The following KCTD16 variants were observed in gnomAD, a reference collection of about 807,000 sequenced individuals.
KCTD16 encodes the protein BTB/POZ domain-containing protein KCTD16.
KCTD16 carries 13 observed loss-of-function variants against 33.2 expected under a neutral mutation model. The observed-to-expected ratio is 0.39, with a 90% CI of 0.25 to 0.62. The LOEUF (loss-of-function observed/expected upper bound fraction) is 0.62. Among genes scored for constraint, KCTD16 ranks in the 20% least tolerant of loss-of-function variants. The pLI, the probability that KCTD16 is intolerant of heterozygous loss-of-function variation, is 0.50. For missense variants in KCTD16, 441 were observed against 525.1 expected (o/e 0.84, Z 1.57); for synonymous variants, 197 against 195.3 (o/e 1.01, Z -0.07).
intron 3 of KCTD16, among the ~76,000 whole-genome samples, chr5:144,236,850 T>C (rs1039494420): frequency 4.6e-5 from 7 of 152,052 alleles, no homozygotes; most frequent in Non-Finnish European, 1.0e-4. Flanking sequence ...GTTTCGTTAT[T>C]TGTAAAGTGA....
At chr5:144,304,970 T>C (rs1751557768) in intron 3 of KCTD16, among the ~76,000 whole-genome samples, 2 of 142,838 alleles carry the variant, frequency 1.4e-5, no homozygotes, top group Non-Finnish European at 1.5e-5. Flanking sequence ...ACTGAGAATA[T>C]CAAAATCTTT....
At chr5:144,323,433 T>G (rs1442155742) in intron 3 of KCTD16, among the ~76,000 whole-genome samples, 1 of 152,098 alleles carries the variant, frequency 6.6e-6, no homozygotes, top group African/African-American at 2.4e-5. Context: ...GGGAGAACAT[T>G]AGATCATGAT....
At chr5:144,329,329 T>C (rs1471667382) in intron 3 of KCTD16, among the ~76,000 whole-genome samples, 1 of 152,160 alleles carries the variant, frequency 6.6e-6, no homozygotes, top group African/African-American at 2.4e-5. Context: ...TGCAGGCTGA[T>C]AGGATTTATG....
chr5:144,419,335 CTACTT>C lies in KCTD16; in HGVS notation c.833-54319_833-54315del, dbSNP rs528627178. On this transcript the variant is annotated intron_variant, in intron 3 of 3. Coordinates refer to ENST00000512467, the MANE Select transcript of KCTD16 (RefSeq NM_020768.4). Reference sequence around the variant, plus strand: ...CTGGATTTTAAAATCACCTTTTAGCCTACTTTACTTGCTTTTCTCTTATGACCAAA... The same window carrying C: ...CTGGATTTTAAAATCACCTTTTAGCCTACTTGCTTTTCTCTTATGACCAAA... 3.7e-3 allele frequency among the ~76,000 whole-genome samples: 567 copies of C among 152,240 alleles called. 3 individuals are homozygous for C. Among genetic ancestry groups the C allele is most frequent in the Middle Eastern group, 0.014 (4 of 294 alleles).
chr5:144,207,663 T>G, intron 3 of KCTD16, 117 bp downstream of exon 3: 1 of 789,874 alleles, frequency 1.3e-6, no homozygotes, highest in Non-Finnish European at 2.0e-6. Context: ...TTTTAACTCT[T>G]GAGTTGTAGT....
At chr5:144,194,309 G>T (rs187735366) in intron 2 of KCTD16, among the ~76,000 whole-genome samples, 1 of 152,224 alleles carries the variant, frequency 6.6e-6, no homozygotes, top group African/African-American at 2.4e-5. Context: ...AGTAGAAAAT[G>T]TGTTATCCAT....
intron 2 of KCTD16, among the ~76,000 whole-genome samples, chr5:144,174,964 G>A (rs1752469359): frequency 6.6e-6 from 1 of 152,186 alleles, no homozygotes; most frequent in Non-Finnish European, 1.5e-5. Flanking sequence ...AAGCACTGAA[G>A]CACTGAAGTC....
chr5:144,310,586 T>G (rs188032846), intron 3 of KCTD16, among the ~76,000 whole-genome samples: 1 of 119,130 alleles, frequency 8.4e-6, no homozygotes, highest in Non-Finnish European at 1.6e-5. Flanking sequence ...TATTATATAT[T>G]TTTTTTGATA....
chr5:144,283,423 T>A (rs1193056200), intron 3 of KCTD16, among the ~76,000 whole-genome samples: 1 of 152,186 alleles, frequency 6.6e-6, no homozygotes, highest in Non-Finnish European at 1.5e-5. Flanking sequence ...GAATAATCAT[T>A]TCATAAACTA....
chr5:144,223,790 G>A (rs886562288), intron 3 of KCTD16, among the ~76,000 whole-genome samples: 1 of 152,120 alleles, frequency 6.6e-6, no homozygotes, highest in African/African-American at 2.4e-5. Context: ...TGTAAATGAA[G>A]TCCTAGGTAG....
chr5:144,253,412 C>T (rs1048427024), intron 3 of KCTD16, among the ~76,000 whole-genome samples: 20 of 152,124 alleles, frequency 1.3e-4, no homozygotes, highest in Non-Finnish European at 2.6e-4. Flanking sequence ...TATGATGTTT[C>T]CTGTGTTCTT....
intron 3 of KCTD16, among the ~76,000 whole-genome samples, chr5:144,414,095 ACAAT>A (rs986463075): frequency 3.3e-5 from 5 of 152,176 alleles, no homozygotes; most frequent in Admixed American, 6.5e-5. Flanking sequence ...TGGGTTTAAA[ACAAT>A]CTATCTAGCC....
chr5:144,404,753 G>A (rs1399077615), intron 3 of KCTD16, among the ~76,000 whole-genome samples: 1 of 152,134 alleles, frequency 6.6e-6, no homozygotes, highest in Non-Finnish European at 1.5e-5. Flanking sequence ...AGAGGTGGCA[G>A]GTTTGCTTGG....
intron 2 of KCTD16, among the ~76,000 whole-genome samples, chr5:144,178,380 G>A (rs1408687068): frequency 6.6e-6 from 1 of 151,980 alleles, no homozygotes; most frequent in Non-Finnish European, 1.5e-5. Flanking sequence ...ATGATTTTTT[G>A]TTATTAAGAC....
At position 144,478,820 on chromosome 5, in the gene KCTD16, A is replaced by G. The variant is rs565088548; in HGVS notation, c.*4706A>G. On this transcript the variant is annotated 3_prime_UTR_variant, in exon 4 of 4. Transcript: ENST00000512467. ...CTTAAGAGAAAACACCCAAAGAAAA[A>G]TATCCTAAGACTAGGGCAGAATAGA... 3 of 152,142 alleles carry G rather than the reference A, an allele frequency of 2.0e-5. No individual in the cohort carries two copies. The East Asian group carries it at 5.8e-4, about 29-fold the overall frequency. The allele number at this position is 152,142 out of a possible 1,614,324, so 9.4% of individuals were successfully genotyped here.
At chr5:144,255,791 C>T (rs1045775726) in intron 3 of KCTD16, among the ~76,000 whole-genome samples, 2 of 152,150 alleles carry the variant, frequency 1.3e-5, no homozygotes, top group Admixed American at 6.5e-5. Context: ...TCATGTAAAA[C>T]TATCAGCATT....
chr5:144,209,470 A>G (rs1753297036), intron 3 of KCTD16, among the ~76,000 whole-genome samples: 1 of 152,164 alleles, frequency 6.6e-6, no homozygotes, highest in South Asian at 2.1e-4. Flanking sequence ...ACTTCATACC[A>G]GCAGCATATA....
chr5:144,458,040 C>T (rs2126989951), intron 3 of KCTD16, among the ~76,000 whole-genome samples: 1 of 152,300 alleles, frequency 6.6e-6, no homozygotes, highest in East Asian at 1.9e-4. Context: ...AATTCATTCT[C>T]TTCACATGAG....
rs577710492 is a variant in KCTD16 at position 144,196,247 on chromosome 5, ATCT to A, written c.-326-10140_-326-10138del. 9.9e-5 allele frequency among the ~76,000 whole-genome samples: 15 copies of A among 152,126 alleles called. No individual in the cohort carries two copies. The South Asian group carries it at 3.1e-3, about 32-fold the overall frequency. The stretch of plus-strand genomic sequence containing the variant: ...TGATTGGCCAGTGGCTCTGCAGGTG[ATCT>A]TATTTTTTTGGAGGGAAGCGAGTTT... On this transcript the variant is annotated intron_variant, in intron 2 of 3. Coordinates refer to ENST00000512467, the MANE Select transcript of KCTD16 (RefSeq NM_020768.4).
Sources: gnomAD v4.1 joint callset for allele counts (sites outside exome capture counted in the v4.1 genomes callset) on GRCh38, gnomAD v4.1.1 for gene constraint, MANE v1.5 for transcripts, NCBI Gene and HGNC (gene_info 2026-07-23, HGNC 2026-07-21) for gene names.